NRAP: variants seen among roughly 807,000 people sequenced by gnomAD.
NRAP encodes the protein nebulin-related-anchoring protein.
NRAP carries 189 observed loss-of-function variants against 225.9 expected under a neutral mutation model. The observed-to-expected ratio is 0.84, with a 90% CI of 0.74 to 0.94. The LOEUF is 0.94. Among genes scored for constraint, NRAP ranks in the 40% least tolerant of loss-of-function variants. The pLI is 0.00. For missense variants in NRAP, 2,176 were observed against 2,168.7 expected (o/e 1.00, Z -0.07); for synonymous variants, 769 against 790.7 (o/e 0.97, Z 0.46).
At chr10:113,642,853 C>A in intron 12 of NRAP, 81 bp downstream of exon 12, 1 of 787,104 alleles carries the variant, frequency 1.3e-6, no homozygotes, top group South Asian at 1.5e-5. Context: ...AGATCCATTC[C>A]CATAGACTGT....
chr10:113,618,019 G>A (rs1343956026), intron 25 of NRAP, among the ~76,000 whole-genome samples: 3 of 152,026 alleles, frequency 2.0e-5, no homozygotes, highest in Non-Finnish European at 2.9e-5. Flanking sequence ...GCCCGCGAGC[G>A]TATGCCGTCC....
Position 113,620,704 on chromosome 10 carries a change from T to C in NRAP, c.2774A>G (p.Gln925Arg). Reference protein sequence around the residue: ...KKAYGLQSDNQYRADVKWMKG... With the variant: ...KKAYGLQSDNRYRADVKWMKG... ...CATCCACTTCACATCTGCCCTGTAT[T>C]GGTTCTGACAAAGGAGAAAGAAAAA... The change falls in exon 25 of 42, where the codon CAA (glutamine) becomes CGA (arginine). Residue 925 changes from glutamine to arginine, a missense_variant. Gln to Arg is a conservative substitution (Grantham distance 43). Coordinates refer to ENST00000359988, the MANE Select transcript of NRAP (RefSeq NM_198060.4). 6.2e-7 allele frequency: 1 copy of C among 1,604,092 alleles called. No individual in the cohort carries two copies.
Position 113,651,054 on chromosome 10 carries a change from G to A in NRAP, c.676-509C>T, listed in dbSNP as rs561217790. On this transcript the variant is annotated intron_variant, in intron 7 of 41. Coordinates refer to ENST00000359988, the MANE Select transcript of NRAP (RefSeq NM_198060.4). ...GTTTAGAAATTATGTTCTCTAATTTGTAGTGGCAAGAGAGATTTCTCTCAG... is the reference window on the plus strand; with the variant it reads ...GTTTAGAAATTATGTTCTCTAATTTATAGTGGCAAGAGAGATTTCTCTCAG... Among the ~76,000 whole-genome samples the A allele has an allele frequency of 3.9e-5, 6 of 152,334 alleles. No homozygotes were observed. In the South Asian group the frequency reaches 1.2e-3, roughly 32 times the overall value.
At chr10:113,635,083 C>A (rs756320166) in intron 14 of NRAP, among the ~76,000 whole-genome samples, 23 of 152,348 alleles carry the variant, frequency 1.5e-4, no homozygotes, top group South Asian at 2.1e-4. Context: ...CTGGTTCCCA[C>A]CTCAAGACAT....
At chr10:113,635,214 A>G (rs778810200) in intron 14 of NRAP, among the ~76,000 whole-genome samples, 2 of 152,192 alleles carry the variant, frequency 1.3e-5, no homozygotes, top group Non-Finnish European at 2.9e-5. Flanking sequence ...ATTTTTCTCC[A>G]AACACACCTG....
intron 12 of NRAP, among the ~76,000 whole-genome samples, 185 bp from the exon 13 acceptor site, chr10:113,641,657 C>A (rs867659916): frequency 6.6e-6 from 1 of 152,084 alleles, no homozygotes; most frequent in East Asian, 1.9e-4. Flanking sequence ...TTCAACCCAT[C>A]ACAAGAAGTT....
chr10:113,622,991 C>G (rs956497385), intron 23 of NRAP, among the ~76,000 whole-genome samples: 1 of 152,224 alleles, frequency 6.6e-6, no homozygotes, highest in Non-Finnish European at 1.5e-5. Flanking sequence ...TCTCTCACAT[C>G]CAACTCCTAA....
intron 33 of NRAP, 73 bp downstream of exon 33, chr10:113,606,105 G>T (rs1259397212): frequency 5.3e-6 from 6 of 1,132,746 alleles, no homozygotes; most frequent in East Asian, 2.3e-5. Flanking sequence ...AAAGGTCAGT[G>T]TTGGGTTACT....
chr10:113,648,862 C>T (rs1849759395), intron 9 of NRAP, among the ~76,000 whole-genome samples: 1 of 152,118 alleles, frequency 6.6e-6, no homozygotes, highest in Non-Finnish European at 1.5e-5. Flanking sequence ...TCATCTGTAC[C>T]TACAGACATG....
At chr10:113,663,525 A>C in intron 1 of NRAP, 79 bp from the exon 2 acceptor site, 1 of 918,902 alleles carries the variant, frequency 1.1e-6, no homozygotes, top group Non-Finnish European at 1.7e-6. Context: ...TAGGGTAAAA[A>C]AATGAACTTC....
intron 39 of NRAP, 26 bp downstream of exon 39, chr10:113,592,168 C>T (rs768222142): frequency 1.1e-5 from 16 of 1,439,454 alleles, no homozygotes; most frequent in Admixed American, 1.8e-5. Flanking sequence ...CATCAGTGAC[C>T]GCAGGAGAGA....
Position 113,645,826 on chromosome 10 carries a change from T to A in NRAP, c.1109A>T (p.Glu370Val), listed in dbSNP as rs200226148. ...GTGTGACTCTTCCCCCATACGCACC[T>A]CACTCACGAGTTTGTTTACGCTCTG... ...QAQSVNKLVS[E>V]VEYKKDLESS... Residue 370 changes from glutamate (E) to valine (V), a missense_variant and splice_region_variant, in exon 11 of 42, where the codon GAG becomes GTG. Transcript: ENST00000359988. The A allele has an allele frequency of 9.9e-6, 15 of 1,522,474 alleles. No individual in the cohort carries two copies. In the Middle Eastern group the frequency reaches 5.1e-4, roughly 52 times the overall value. 94.3% of individuals were successfully genotyped at this position (1,522,474 alleles called of 1,614,324 possible).
chr10:113,589,971 G>A (rs1285502408), intron 40 of NRAP, among the ~76,000 whole-genome samples, 174 bp from the exon 41 acceptor site: 1 of 152,226 alleles, frequency 6.6e-6, no homozygotes, highest in East Asian at 1.9e-4. Flanking sequence ...TGGCACAGGG[G>A]CCGCAATGTG....
chr10:113,661,296 A>G (rs1244952139), intron 3 of NRAP, among the ~76,000 whole-genome samples: 1 of 152,334 alleles, frequency 6.6e-6, no homozygotes, highest in East Asian at 1.9e-4. Context: ...AGTAAATGCT[A>G]TATATGCTTG....
At chr10:113,623,663 G>T in intron 22 of NRAP, 27 bp from the exon 23 acceptor site, 1 of 1,523,492 alleles carries the variant, frequency 6.6e-7, no homozygotes, top group Non-Finnish European at 9.1e-7. Context: ...GAGAAGGTGA[G>T]TGGGTTTTCA....
rs147787926 is a variant in NRAP, at chr10:113,642,260, C to T, written c.1215+674G>A. 4.6e-3 allele frequency among the ~76,000 whole-genome samples: 702 copies of T among 152,070 alleles called. 6 individuals are homozygous for T. Among genetic ancestry groups the T allele is most frequent in the African/African-American group, 0.016 (656 of 41,490 alleles). ...TGGCTCAGGGAGCTTAAACAACTGC[C>T]CAAAATTGGCCACTTTGCTATTAAT... On this transcript the variant is annotated intron_variant, in intron 12 of 41. Transcript: ENST00000359988.
At chr10:113,601,757 T>G (rs931257143) in intron 35 of NRAP, among the ~76,000 whole-genome samples, 1 of 152,224 alleles carries the variant, frequency 6.6e-6, no homozygotes, top group Non-Finnish European at 1.5e-5. Flanking sequence ...TTTGTTTTTT[T>G]CCTTCTTCCT....
chr10:113,637,058 T>A (rs1012381787), intron 14 of NRAP, among the ~76,000 whole-genome samples: 3 of 150,448 alleles, frequency 2.0e-5, no homozygotes, highest in Non-Finnish European at 3.0e-5. Flanking sequence ...ATAGGTCTAA[T>A]AGCCACTTTG....
At chr10:113,597,220 G>A (rs1161758638) in intron 36 of NRAP, 36 bp from the exon 37 acceptor site, 4 of 1,310,472 alleles carry the variant, frequency 3.1e-6, no homozygotes, top group Non-Finnish European at 4.4e-6. Context: ...ATGAAACACA[G>A]TCCAACATCA....
Sources: allele counts gnomAD v4.1 joint callset (sites outside exome capture counted in the v4.1 genomes callset), GRCh38; gene constraint gnomAD v4.1.1; transcripts MANE v1.5; gene names NCBI Gene and HGNC (gene_info 2026-07-23, HGNC 2026-07-21).